PTPRD: variants seen among roughly 807,000 people sequenced by gnomAD.
PTPRD encodes protein tyrosine phosphatase receptor type D.
A neutral mutation model predicts 214.5 loss-of-function variants in PTPRD; 34 were observed. The observed-to-expected ratio is 0.16, with a 90% CI of 0.12 to 0.21. The LOEUF is 0.21. PTPRD is among the 10% of genes least tolerant of loss of function. The pLI is 1.00. For missense variants in PTPRD, 2,545 were observed against 2,398.7 expected (o/e 1.06, Z -1.27); for synonymous variants, 1,128 against 845.7 (o/e 1.33, Z -5.79).
Position 10,287,002 on chromosome 9 carries a change from A to G in PTPRD, c.-545+53961T>C, listed in dbSNP as rs1279899551. Among the ~76,000 whole-genome samples the G allele has an allele frequency of 2.0e-5, 3 of 152,176 alleles. No homozygotes were observed. The East Asian group carries it at 5.8e-4, about 29-fold the overall frequency. ...AAGGTTAGCGAACTTGAAAATGCAA[A>G]AGTAAAGTTAGAGCTAGTAGGAAAC... On this transcript the variant is annotated intron_variant, in intron 3 of 45. Coordinates refer to ENST00000381196, the MANE Select transcript of PTPRD (RefSeq NM_002839.4).
intron 4 of PTPRD, among the ~76,000 whole-genome samples, chr9:9,978,530 A>T (rs900903578): frequency 6.6e-6 from 1 of 152,104 alleles, no homozygotes; most frequent in African/African-American, 2.4e-5. Context: ...GGTAAAATTT[A>T]AAAAATAAAT....
chr9:9,418,261 C>T (rs2077568785), intron 8 of PTPRD, among the ~76,000 whole-genome samples: 1 of 151,994 alleles, frequency 6.6e-6, no homozygotes, highest in Non-Finnish European at 1.5e-5. Flanking sequence ...CTTGAGAAGG[C>T]CAACTGGGTT....
intron 8 of PTPRD, among the ~76,000 whole-genome samples, chr9:9,470,862 C>A (rs1262179209): frequency 6.6e-6 from 1 of 152,174 alleles, no homozygotes; most frequent in Non-Finnish European, 1.5e-5. Context: ...GGTTTAAAAT[C>A]AGGCAAGATA....
At position 8,376,014 on chromosome 9, in the gene PTPRD, G is replaced by A; in HGVS notation, c.4583C>T (p.Pro1528Leu). Residue 1528 changes from proline (P) to leucine (L), a missense_variant, in exon 39 of 46, where the codon CCT becomes CTT. Pro to Leu is a moderately conservative substitution (Grantham distance 98). Coordinates refer to ENST00000381196, the MANE Select transcript of PTPRD (RefSeq NM_002839.4). ...ACGTAAGAAAGCTAGAAAAGGTGTA[G>A]GGTGTTCTGGAACACCATGATCAGG... ...AWPDHGVPEHPTPFLAFLRRV... is the reference protein window; with the variant it reads ...AWPDHGVPEHLTPFLAFLRRV... The A allele has an allele frequency of 1.9e-6, 3 of 1,612,926 alleles. No homozygotes were observed. Among genetic ancestry groups the A allele is most frequent in the Non-Finnish European group, 2.5e-6 (3 of 1,179,260 alleles).
At chr9:9,544,505 A>G (rs190173153) in intron 8 of PTPRD, among the ~76,000 whole-genome samples, 2 of 151,636 alleles carry the variant, frequency 1.3e-5, no homozygotes, top group African/African-American at 4.8e-5. Flanking sequence ...GGGCCTATAT[A>G]CTTAATGCAA....
chr9:10,187,567 G>C (rs1328493708), intron 3 of PTPRD, among the ~76,000 whole-genome samples: 2 of 152,146 alleles, frequency 1.3e-5, no homozygotes, highest in African/African-American at 4.8e-5. Flanking sequence ...CTTGCAGTGA[G>C]TATCTGTAAG....
chr9:10,457,578 G>A (rs1157197207), intron 2 of PTPRD, among the ~76,000 whole-genome samples: 1 of 151,958 alleles, frequency 6.6e-6, no homozygotes, highest in East Asian at 1.9e-4. Flanking sequence ...TATAGATAAA[G>A]CTGCCATGAG....
At chr9:8,459,641 G>C (rs542397852) in intron 33 of PTPRD, among the ~76,000 whole-genome samples, 77 of 152,198 alleles carry the variant, frequency 5.1e-4, no homozygotes, top group African/African-American at 1.7e-3. Flanking sequence ...TTAGATGTTA[G>C]AGGCAGAAAT....
chr9:9,601,277 A>G (rs375859100), intron 7 of PTPRD, among the ~76,000 whole-genome samples: 35 of 152,082 alleles, frequency 2.3e-4, no homozygotes, highest in African/African-American at 8.4e-4. Context: ...TCAAAGATGA[A>G]GCTTTGTGAG....
In PTPRD at chr9:9,195,107, T is replaced by TATATATATATATAC. The variant is rs58832794; in HGVS notation, c.-202-11745_-202-11744insGTATATATATATAT. Among the ~76,000 whole-genome samples, 662 of 141,106 alleles carry TATATATATATATAC rather than the reference T, an allele frequency of 4.7e-3. 3 individuals are homozygous for TATATATATATATAC. The highest frequency in any genetic ancestry group is 6.8e-3 in the Non-Finnish European group (445 of 65,352). 92.6% of individuals were successfully genotyped at this position (141,106 alleles called of 152,430 possible). On this transcript the variant is annotated intron_variant, in intron 9 of 45. Transcript: ENST00000381196. ...TTGTGTATATATATATATATATATA[T>TATATATATATATAC]ACACACACACACATATACATACATA...
At position 9,787,237 on chromosome 9, in the gene PTPRD, CAG is replaced by C. The variant is rs542260307; in HGVS notation, c.-367-20388_-367-20387del. On this transcript the variant is annotated intron_variant, in intron 5 of 45. Coordinates refer to ENST00000381196, the MANE Select transcript of PTPRD (RefSeq NM_002839.4). Reference sequence around the variant, plus strand: ...ATTTCATTAAAAAAAAAAGAACAAACAGTACTACACAACAGTGACACTCTCAG... The same window carrying C: ...ATTTCATTAAAAAAAAAAGAACAAACTACTACACAACAGTGACACTCTCAG... 4.5e-3 allele frequency among the ~76,000 whole-genome samples: 673 copies of C among 150,048 alleles called. 3 individuals are homozygous for C. The highest frequency in any genetic ancestry group is 0.016 in the African/African-American group (636 of 40,738).
intron 12 of PTPRD, among the ~76,000 whole-genome samples, chr9:8,675,459 T>A (rs898916278): frequency 7.3e-6 from 1 of 136,434 alleles, no homozygotes; most frequent in Non-Finnish European, 1.5e-5. Flanking sequence ...ATCTATGTAA[T>A]CCTGTATTTC....
intron 9 of PTPRD, among the ~76,000 whole-genome samples, chr9:9,242,756 A>T (rs934461850): frequency 5.3e-5 from 8 of 151,926 alleles, no homozygotes; most frequent in African/African-American, 1.9e-4. Flanking sequence ...TCTTTTTTCA[A>T]TGTTTTTAAC....
chr9:8,873,809 G>A (rs149817153), intron 11 of PTPRD, among the ~76,000 whole-genome samples: 6 of 152,290 alleles, frequency 3.9e-5, no homozygotes, highest in African/African-American at 9.6e-5. Flanking sequence ...AGGAAATGAA[G>A]AGAGGGAGGT....
At chr9:10,075,398 C>T (rs998738666) in intron 3 of PTPRD, among the ~76,000 whole-genome samples, 2 of 151,944 alleles carry the variant, frequency 1.3e-5, no homozygotes, top group African/African-American at 4.8e-5. Context: ...AATTTACTTA[C>T]TTTATGGCAT....
chr9:10,540,728 T>C (rs1210070023), intron 2 of PTPRD, among the ~76,000 whole-genome samples: 3 of 152,196 alleles, frequency 2.0e-5, no homozygotes, highest in Non-Finnish European at 4.4e-5. Flanking sequence ...TCTTTATTTG[T>C]TTAAGTATAC....
At chr9:10,452,367 A>G (rs75094208) in intron 2 of PTPRD, among the ~76,000 whole-genome samples, 1,806 of 151,442 alleles carry the variant, frequency 0.012, 34 homozygotes, top group African/African-American at 0.039. Flanking sequence ...TTTTACGGTA[A>G]CTCTATTTTT....
At chr9:8,327,010 G>T (rs1834557845) in intron 44 of PTPRD, among the ~76,000 whole-genome samples, 1 of 146,228 alleles carries the variant, frequency 6.8e-6, no homozygotes, top group Non-Finnish European at 1.5e-5. Flanking sequence ...TTTTTTGAAG[G>T]GTTTTTCGTG....
At chr9:10,339,772 T>A (rs2096906125) in intron 3 of PTPRD, among the ~76,000 whole-genome samples, 1 of 151,698 alleles carries the variant, frequency 6.6e-6, no homozygotes, top group Non-Finnish European at 1.5e-5. Context: ...CTCCCCACAT[T>A]GCTCTGATGA....
Sources: allele counts gnomAD v4.1 joint callset (sites outside exome capture counted in the v4.1 genomes callset), GRCh38; gene constraint gnomAD v4.1.1; transcripts MANE v1.5; gene names NCBI Gene and HGNC (gene_info 2026-07-23, HGNC 2026-07-21).